Variants in PKIB observed in about 807,000 individuals in gnomAD.
PKIB encodes cAMP-dependent protein kinase inhibitor beta.
In PKIB, 2 loss-of-function variants were observed where a neutral mutation model predicts 4.5. The observed-to-expected ratio is 0.44, with a 90% CI of 0.18 to 1.39. The LOEUF (loss-of-function observed/expected upper bound fraction) is 1.39. Ranked by LOEUF, PKIB falls within the 40% of genes most tolerant of loss-of-function variation. PKIB has a pLI of 0.27. For synonymous variants in PKIB, 38 were observed against 36.0 expected, an observed-to-expected ratio of 1.06 and a Z score of -0.20; for missense variants, 94 against 92.6, an observed-to-expected ratio of 1.02 and a Z score of -0.06.
intron 3 of PKIB, among the ~76,000 whole-genome samples, chr6:122,686,614 C>T (rs1166377680): frequency 6.6e-6 from 1 of 151,904 alleles, no homozygotes; most frequent in Non-Finnish European, 1.5e-5. Context: ...CCCCCCACCT[C>T]GCCTCCCAAA....
chr6:122,578,180 A>T (rs1244737886), intron 2 of PKIB, among the ~76,000 whole-genome samples: 1 of 152,128 alleles, frequency 6.6e-6, no homozygotes, highest in Non-Finnish European at 1.5e-5. Context: ...TGTGAGTAAA[A>T]TGAGGCTGGG....
At chr6:122,688,143 C>T (rs1427678033) in intron 3 of PKIB, among the ~76,000 whole-genome samples, 10 of 151,832 alleles carry the variant, frequency 6.6e-5, no homozygotes, top group East Asian at 1.9e-4. Context: ...ATCTGTTTTT[C>T]GAGGGTTTTT....
At chr6:122,688,757 T>G (rs1453444080) in intron 3 of PKIB, among the ~76,000 whole-genome samples, 1 of 151,520 alleles carries the variant, frequency 6.6e-6, no homozygotes, top group Non-Finnish European at 1.5e-5. Context: ...ATATAGTTAC[T>G]TATAGTAGCC....
At chr6:122,714,542 A>C (rs1244442992) in intron 3 of PKIB, among the ~76,000 whole-genome samples, 1 of 152,222 alleles carries the variant, frequency 6.6e-6, no homozygotes, top group East Asian at 1.9e-4. Flanking sequence ...AACTTCCAAA[A>C]TAGCAGTCAG....
At chr6:122,703,186 G>A (rs182164043) in intron 3 of PKIB, among the ~76,000 whole-genome samples, 1 of 152,192 alleles carries the variant, frequency 6.6e-6, no homozygotes, top group African/African-American at 2.4e-5. Context: ...TATTGTCTAT[G>A]TACTGAACAC....
At chr6:122,475,090 G>C (rs1345015561) in intron 1 of PKIB, among the ~76,000 whole-genome samples, 2 of 152,104 alleles carry the variant, frequency 1.3e-5, no homozygotes, top group African/African-American at 4.8e-5. Flanking sequence ...CTGGAGTTCA[G>C]TGGCCTGATC....
Position 122,717,859 on chromosome 6 carries a change from C to T in PKIB, c.65C>T (p.Ala22Val), listed in dbSNP as rs989131299. Residue 22 changes from alanine (A) to valine (V), a missense_variant, in exon 4 of 5, where the codon GCA becomes GTA. Transcript: ENST00000368452. ...GGGGTCGCCAATTTTGCATCTTCAGCAAGGGCAGGCCGCCGGAATGCCTTA... is the reference window on the plus strand; with the variant it reads ...GGGGTCGCCAATTTTGCATCTTCAGTAAGGGCAGGCCGCCGGAATGCCTTA... Reference protein sequence around the residue: ...ESGVANFASSARAGRRNALPD... With the variant: ...ESGVANFASSVRAGRRNALPD... 1.9e-6 allele frequency: 3 copies of T among 1,614,054 alleles called. No homozygotes were observed. Among genetic ancestry groups the T allele is most frequent in the Middle Eastern group, 1.6e-4 (1 of 6,062 alleles).
chr6:122,622,625 C>A, intron 1 of PKIB, among the ~76,000 whole-genome samples: 1 of 152,150 alleles, frequency 6.6e-6, no homozygotes, highest in East Asian at 1.9e-4. Context: ...GCTTAGCAGT[C>A]CCCATGGATC....
At chr6:122,598,428 G>C (rs1364332134) in intron 3 of PKIB, among the ~76,000 whole-genome samples, 1 of 152,080 alleles carries the variant, frequency 6.6e-6, no homozygotes, top group Non-Finnish European at 1.5e-5. Flanking sequence ...ACAGTTGAGT[G>C]CTGCCACTTG....
chr6:122,714,851 G>A (rs1779415723), intron 3 of PKIB, among the ~76,000 whole-genome samples: 1 of 152,030 alleles, frequency 6.6e-6, no homozygotes, highest in African/African-American at 2.4e-5. Context: ...GCGCAGTCTC[G>A]GCTCACTGCA....
chr6:122,500,322 T>C (rs1241634328), intron 2 of PKIB, among the ~76,000 whole-genome samples: 1 of 152,144 alleles, frequency 6.6e-6, no homozygotes, highest in Non-Finnish European at 1.5e-5. Context: ...GTATCCAGTA[T>C]ATACTAAATG....
intron 2 of PKIB, among the ~76,000 whole-genome samples, chr6:122,562,236 A>G (rs1297446071): frequency 6.6e-6 from 1 of 152,028 alleles, no homozygotes; most frequent in Non-Finnish European, 1.5e-5. Flanking sequence ...GCTGGATACA[A>G]AATTCTTGGC....
intron 3 of PKIB, among the ~76,000 whole-genome samples, chr6:122,679,509 A>C (rs1399527691): frequency 1.3e-5 from 2 of 152,170 alleles, no homozygotes; most frequent in South Asian, 2.1e-4. Flanking sequence ...AGGACCATCT[A>C]AGCTAGAGAG....
At chr6:122,515,912 AC>A (rs1302908721) in intron 2 of PKIB, among the ~76,000 whole-genome samples, 1 of 151,982 alleles carries the variant, frequency 6.6e-6, no homozygotes, top group Admixed American at 6.5e-5. Context: ...ACAGGGTTTC[AC>A]CATGTTCACC....
intron 2 of PKIB, among the ~76,000 whole-genome samples, chr6:122,553,619 T>G (rs1190925750): frequency 6.6e-6 from 1 of 151,888 alleles, no homozygotes; most frequent in Non-Finnish European, 1.5e-5. Context: ...AGTGAACCAT[T>G]TATCCTTCTT....
chr6:122,509,996 T>A (rs1776534536), intron 2 of PKIB, among the ~76,000 whole-genome samples: 1 of 152,022 alleles, frequency 6.6e-6, no homozygotes, highest in South Asian at 2.1e-4. Flanking sequence ...TTTCTCAATA[T>A]TGAGAAGAGA....
At chr6:122,601,580 A>G (rs1418513577) in intron 3 of PKIB, among the ~76,000 whole-genome samples, 1 of 152,126 alleles carries the variant, frequency 6.6e-6, no homozygotes, top group Admixed American at 6.5e-5. Context: ...ACCACCTCTG[A>G]GATGTCAAGA....
At chr6:122,620,757 G>A (rs1352592234) in intron 1 of PKIB, among the ~76,000 whole-genome samples, 3 of 152,144 alleles carry the variant, frequency 2.0e-5, no homozygotes, top group Admixed American at 6.5e-5. Context: ...GGCAGATGTT[G>A]AGTAAATGCT....
At chr6:122,613,598 A>T (rs1774854128) in intron 1 of PKIB, among the ~76,000 whole-genome samples, 1 of 152,122 alleles carries the variant, frequency 6.6e-6, no homozygotes, top group African/African-American at 2.4e-5. Context: ...ATTACATGGA[A>T]ATAATCTAGG....
Sources: allele counts gnomAD v4.1 joint callset (sites outside exome capture counted in the v4.1 genomes callset), GRCh38; gene constraint gnomAD v4.1.1; transcripts MANE v1.5; gene names NCBI Gene and HGNC (gene_info 2026-07-23, HGNC 2026-07-21).